The following MDGA2 variants were observed in gnomAD, a reference collection of about 807,000 sequenced individuals.
MDGA2 encodes the protein MAM domain-containing glycosylphosphatidylinositol anchor protein 2.
In MDGA2, 40 loss-of-function variants were observed where a neutral mutation model predicts 117.8. The ratio of observed to expected loss-of-function variants is 0.34; its 90% CI spans 0.26 to 0.44. MDGA2 has a LOEUF of 0.44. Among genes scored for constraint, MDGA2 ranks in the 20% least tolerant of loss-of-function variants. The probability of loss-of-function intolerance (pLI) is 1.00; values close to 1 mark genes in which losing one functional copy is unlikely to be tolerated. For missense variants in MDGA2, 1,123 were observed against 1,250.6 expected (o/e 0.90, Z 1.54); for synonymous variants, 452 against 439.0 (o/e 1.03, Z -0.37).
intron 1 of MDGA2, among the ~76,000 whole-genome samples, chr14:47,308,235 A>T (rs1889519837): frequency 1.3e-5 from 2 of 152,118 alleles, no homozygotes; most frequent in Non-Finnish European, 2.9e-5. Context: ...GCAAATAGTA[A>T]AACCGCTATT....
intron 8 of MDGA2, among the ~76,000 whole-genome samples, chr14:46,988,520 A>G (rs1886952588): frequency 1.3e-5 from 2 of 152,054 alleles, no homozygotes; most frequent in African/African-American, 2.4e-5. Context: ...AGTTTTCAGA[A>G]GATTTAGTGT....
At chr14:47,633,367 C>T (rs1337601698) in intron 1 of MDGA2, among the ~76,000 whole-genome samples, 1 of 152,086 alleles carries the variant, frequency 6.6e-6, no homozygotes, top group African/African-American at 2.4e-5. Flanking sequence ...AAAGAACTCT[C>T]CAACTACACA....
chr14:47,580,214 C>T (rs993684654), intron 1 of MDGA2, among the ~76,000 whole-genome samples: 1 of 151,976 alleles, frequency 6.6e-6, no homozygotes, highest in Non-Finnish European at 1.5e-5. Context: ...TTATTGCTTA[C>T]GTTTCTGAGG....
intron 15 of MDGA2, among the ~76,000 whole-genome samples, chr14:46,851,014 A>G (rs1186337369): frequency 1.3e-5 from 2 of 151,870 alleles, no homozygotes; most frequent in Admixed American, 6.6e-5. Flanking sequence ...TTTCTAGCTT[A>G]TTATTATTCT....
At chr14:47,111,640 T>C (rs889842173) in intron 5 of MDGA2, among the ~76,000 whole-genome samples, 1 of 152,108 alleles carries the variant, frequency 6.6e-6, no homozygotes, top group African/African-American at 2.4e-5. Flanking sequence ...AACTTTTTAA[T>C]TGGCTCAGTG....
chr14:47,226,292 A>G (rs1184644170), intron 2 of MDGA2, among the ~76,000 whole-genome samples: 1 of 152,050 alleles, frequency 6.6e-6, no homozygotes, highest in Non-Finnish European at 1.5e-5. Flanking sequence ...AGGGATTCAC[A>G]AAGTAGGTCT....
intron 6 of MDGA2, among the ~76,000 whole-genome samples, chr14:47,064,659 G>A (rs1250592435): frequency 6.6e-6 from 1 of 151,850 alleles, no homozygotes. Flanking sequence ...TATGAAAATA[G>A]AAGGTGATAG....
At chr14:47,309,527 C>T (rs1401811714) in intron 1 of MDGA2, among the ~76,000 whole-genome samples, 2 of 152,072 alleles carry the variant, frequency 1.3e-5, no homozygotes, top group African/African-American at 2.4e-5. Context: ...TTCCTTAGTA[C>T]ATGTTGGGTA....
chr14:47,263,798 T>G (rs1354006357), intron 2 of MDGA2, among the ~76,000 whole-genome samples: 1 of 152,148 alleles, frequency 6.6e-6, no homozygotes, highest in Non-Finnish European at 1.5e-5. Flanking sequence ...AATGAAAAAT[T>G]AATTTATTAA....
chr14:47,400,032 G>A (rs1472959954), intron 1 of MDGA2, among the ~76,000 whole-genome samples: 1 of 152,072 alleles, frequency 6.6e-6, no homozygotes, highest in Non-Finnish European at 1.5e-5. Context: ...TGTTCTTCCA[G>A]TTTGAATGCA....
chr14:46,852,956 A>G (rs1566491306), intron 15 of MDGA2, among the ~76,000 whole-genome samples: 1 of 151,832 alleles, frequency 6.6e-6, no homozygotes, highest in Non-Finnish European at 1.5e-5. Context: ...CAGACTTGTA[A>G]AAAAAATAAC....
intron 1 of MDGA2, among the ~76,000 whole-genome samples, chr14:47,306,843 GA>G (rs1889465000): frequency 2.6e-3 from 2 of 764 alleles, no homozygotes; most frequent in Admixed American, 0.048. Context: ...GAGAAAGAGG[GA>G]GAGAGAGAGA....
rs530536210 is a variant in MDGA2, at chr14:47,520,187, A to G, written c.280+154330T>C. Among the ~76,000 whole-genome samples, 7 of 152,320 alleles carry G rather than the reference A, an allele frequency of 4.6e-5. No individual in the cohort carries two copies. The South Asian group carries it at 1.0e-3, about 23-fold the overall frequency. On this transcript the variant is annotated intron_variant, in intron 1 of 16. Transcript: ENST00000399232. Reference sequence around the variant, plus strand: ...ACTTCACTTATTCTCAGGAGCCACTATGAGCTCTCTAAGGATTTGCATTCA... The same window carrying G: ...ACTTCACTTATTCTCAGGAGCCACTGTGAGCTCTCTAAGGATTTGCATTCA...
At chr14:46,912,644 C>A (rs528459856) in intron 10 of MDGA2, among the ~76,000 whole-genome samples, 3 of 152,202 alleles carry the variant, frequency 2.0e-5, no homozygotes, top group East Asian at 1.9e-4. Context: ...GTTTCCTCCA[C>A]GTTTCTAATT....
chr14:47,221,153 G>T (rs1468047506), intron 2 of MDGA2, among the ~76,000 whole-genome samples: 1 of 151,880 alleles, frequency 6.6e-6, no homozygotes, highest in Non-Finnish European at 1.5e-5. Flanking sequence ...AAGAAGATTT[G>T]TAATAACCTA....
intron 6 of MDGA2, among the ~76,000 whole-genome samples, chr14:47,061,842 T>G (rs1405446705): frequency 1.3e-5 from 2 of 152,050 alleles, no homozygotes; most frequent in Non-Finnish European, 2.9e-5. Flanking sequence ...TCAAAAGTAA[T>G]GCCTTAAGTC....
chr14:47,061,701 T>C, intron 6 of MDGA2, 123 bp from the exon 7 acceptor site: 2 of 776,218 alleles, frequency 2.6e-6, no homozygotes, highest in Non-Finnish European at 4.0e-6. Flanking sequence ...CATATATTTC[T>C]TTTTTATATC....
chr14:47,325,839 G>A (rs1422910510), intron 1 of MDGA2, among the ~76,000 whole-genome samples: 2 of 152,164 alleles, frequency 1.3e-5, no homozygotes, highest in African/African-American at 2.4e-5. Flanking sequence ...GAGAGCCATA[G>A]TTGGTTTTAG....
Position 47,092,371 on chromosome 14 carries a change from T to C in MDGA2, c.1195+4483A>G, listed in dbSNP as rs1016105195. ...TGAAAATAGAACACACAGAATTCCATAGTAAGTGCAAAACAGACCTCTTTC... is the reference window on the plus strand; with the variant it reads ...TGAAAATAGAACACACAGAATTCCACAGTAAGTGCAAAACAGACCTCTTTC... On this transcript the variant is annotated intron_variant, in intron 6 of 16. Transcript: ENST00000399232. 3.3e-5 allele frequency among the ~76,000 whole-genome samples: 5 copies of C among 152,114 alleles called. No homozygotes were observed. The East Asian group carries it at 5.8e-4, about 18-fold the overall frequency.
Sources: gnomAD v4.1 joint callset for allele counts (sites outside exome capture counted in the v4.1 genomes callset) on GRCh38, gnomAD v4.1.1 for gene constraint, MANE v1.5 for transcripts, NCBI Gene and HGNC (gene_info 2026-07-23, HGNC 2026-07-21) for gene names.